The following DLG2 variants were observed in gnomAD, a reference collection of about 807,000 sequenced individuals.
The protein encoded by DLG2 is disks large homolog 2.
DLG2 carries 45 observed loss-of-function variants against 132.5 expected under a neutral mutation model. The observed-to-expected ratio is 0.34, with a 90% CI of 0.27 to 0.44. DLG2 has a LOEUF of 0.44. Among genes scored for constraint, DLG2 ranks in the 20% least tolerant of loss-of-function variants. The probability of loss-of-function intolerance (pLI) is 1.00; values close to 1 mark genes in which losing one functional copy is unlikely to be tolerated. For synonymous variants in DLG2, 424 were observed against 419.6 expected, an observed-to-expected ratio of 1.01 and a Z score of -0.13; for missense variants, 1,045 against 1,196.9, an observed-to-expected ratio of 0.87 and a Z score of 1.87.
intron 6 of DLG2, among the ~76,000 whole-genome samples, chr11:85,059,969 C>G (rs2063875096): frequency 6.6e-6 from 1 of 151,582 alleles, no homozygotes; most frequent in African/African-American, 2.4e-5. Context: ...AACATAAAAT[C>G]TACCCTCTTA....
At chr11:83,865,647 A>AT (rs2062199271) in intron 16 of DLG2, among the ~76,000 whole-genome samples, 1 of 152,034 alleles carries the variant, frequency 6.6e-6, no homozygotes, top group South Asian at 2.1e-4. Flanking sequence ...GAACGATCTC[A>AT]TAATTCTGGC....
At chr11:84,323,403 T>C (rs2098415287) in intron 7 of DLG2, among the ~76,000 whole-genome samples, 1 of 152,204 alleles carries the variant, frequency 6.6e-6, no homozygotes, top group Non-Finnish European at 1.5e-5. Flanking sequence ...TAATATTCTG[T>C]TGTATGTATA....
At chr11:85,023,783 T>C (rs2154141281) in intron 6 of DLG2, among the ~76,000 whole-genome samples, 1 of 152,196 alleles carries the variant, frequency 6.6e-6, no homozygotes, top group African/African-American at 2.4e-5. Flanking sequence ...TAGTAACTTA[T>C]TGAGCATCAA....
chr11:83,752,050 C>T (rs1284924167), intron 18 of DLG2, among the ~76,000 whole-genome samples: 3 of 152,104 alleles, frequency 2.0e-5, no homozygotes, highest in Admixed American at 6.5e-5. Flanking sequence ...AGGTGGATCA[C>T]GAGGTCAGGA....
At chr11:84,245,980 C>T (rs2097297574) in intron 8 of DLG2, among the ~76,000 whole-genome samples, 1 of 152,156 alleles carries the variant, frequency 6.6e-6, no homozygotes, top group Non-Finnish European at 1.5e-5. Flanking sequence ...GAAGCTTTAA[C>T]TGTGTTTGTG....
chr11:85,176,480 C>G (rs2079255477), intron 4 of DLG2, among the ~76,000 whole-genome samples: 1 of 151,932 alleles, frequency 6.6e-6, no homozygotes, highest in Non-Finnish European at 1.5e-5. Context: ...GATTAATGAT[C>G]TAAATATAAA....
At chr11:85,390,478 T>C (rs1268540254) in intron 3 of DLG2, among the ~76,000 whole-genome samples, 1 of 152,096 alleles carries the variant, frequency 6.6e-6, no homozygotes, top group Admixed American at 6.6e-5. Context: ...AGAGTGGACT[T>C]AAAGTATACC....
At chr11:85,370,923 C>A (rs1223160194) in intron 3 of DLG2, among the ~76,000 whole-genome samples, 3 of 152,022 alleles carry the variant, frequency 2.0e-5, no homozygotes, top group Non-Finnish European at 4.4e-5. Flanking sequence ...TTCTAAAATT[C>A]TAATGTCTAA....
intron 9 of DLG2, among the ~76,000 whole-genome samples, chr11:84,132,501 G>T (rs1019969355): frequency 6.6e-6 from 1 of 151,834 alleles, no homozygotes; most frequent in East Asian, 1.9e-4. Flanking sequence ...CAAAGATAAC[G>T]ATACATAAGA....
chr11:85,321,615 G>C (rs149113803), intron 3 of DLG2, among the ~76,000 whole-genome samples: 64 of 152,086 alleles, frequency 4.2e-4, no homozygotes, highest in African/African-American at 1.5e-3. Context: ...GGAAGATCTA[G>C]GTAAGATGAC....
chr11:83,757,097 G>A (rs1478044910), intron 18 of DLG2, among the ~76,000 whole-genome samples: 1 of 152,134 alleles, frequency 6.6e-6, no homozygotes, highest in Admixed American at 6.6e-5. Flanking sequence ...AGGATTTCCT[G>A]TCTGCATTAT....
intron 2 of DLG2, among the ~76,000 whole-genome samples, chr11:85,622,441 G>T (rs1438201709): frequency 2.0e-5 from 3 of 151,708 alleles, no homozygotes; most frequent in Non-Finnish European, 4.4e-5. Flanking sequence ...AAAAAAAAAT[G>T]ATTTTAAGAA....
chr11:85,471,997 G>C (rs916644384), intron 3 of DLG2, among the ~76,000 whole-genome samples: 1 of 152,116 alleles, frequency 6.6e-6, no homozygotes, highest in Non-Finnish European at 1.5e-5. Flanking sequence ...GATCACAGCA[G>C]GAGGCAGACA....
intron 15 of DLG2, among the ~76,000 whole-genome samples, chr11:83,921,793 C>T (rs2077977184): frequency 6.6e-6 from 1 of 152,116 alleles, no homozygotes; most frequent in African/African-American, 2.4e-5. Flanking sequence ...AACAGACATA[C>T]TAAAACTAAC....
chr11:84,552,761 T>A (rs1000443752), intron 6 of DLG2, among the ~76,000 whole-genome samples: 2 of 152,064 alleles, frequency 1.3e-5, no homozygotes, highest in Non-Finnish European at 2.9e-5. Context: ...TAGTAACTGG[T>A]TTCCTTATCT....
chr11:83,880,584 C>T (rs2065948879), intron 15 of DLG2, among the ~76,000 whole-genome samples: 1 of 152,006 alleles, frequency 6.6e-6, no homozygotes, highest in Admixed American at 6.6e-5. Flanking sequence ...AGCAAGCCTT[C>T]AAAAATAGAC....
chr11:84,834,746 G>C (rs1011031006), intron 6 of DLG2, among the ~76,000 whole-genome samples: 2 of 149,504 alleles, frequency 1.3e-5, no homozygotes, highest in African/African-American at 2.5e-5. Context: ...CACTGTATGA[G>C]ATTTGGAGTA....
At chr11:84,028,134 T>C (rs547213481) in intron 11 of DLG2, among the ~76,000 whole-genome samples, 27 of 152,108 alleles carry the variant, frequency 1.8e-4, no homozygotes, top group African/African-American at 6.0e-4. Flanking sequence ...AAAACTATGC[T>C]TTTACAATAA....
At chr11:83,998,467 G>T (rs533811667) in intron 11 of DLG2, among the ~76,000 whole-genome samples, 28 of 152,198 alleles carry the variant, frequency 1.8e-4, no homozygotes, top group Non-Finnish European at 3.7e-4. Context: ...ACAGAAAAGT[G>T]ACACAAAATA....
Sources: gnomAD v4.1 joint callset for allele counts (sites outside exome capture counted in the v4.1 genomes callset) on GRCh38, gnomAD v4.1.1 for gene constraint, MANE v1.5 for transcripts, NCBI Gene and HGNC (gene_info 2026-07-23, HGNC 2026-07-21) for gene names.